Variants in ADPGK observed in about 807,000 individuals in gnomAD.
ADPGK encodes ADP dependent glucokinase, also known as ADP-dependent glucokinase.
A neutral mutation model predicts 42.4 loss-of-function variants in ADPGK; 26 were observed. That is an observed-to-expected ratio of 0.61 (90% CI 0.45 to 0.85). The LOEUF (loss-of-function observed/expected upper bound fraction) is 0.85, where lower values mean the gene tolerates loss of function less well. Among genes scored for constraint, ADPGK ranks in the 40% least tolerant of loss-of-function variants. The pLI, the probability that ADPGK is intolerant of heterozygous loss-of-function variation, is 0.00. For synonymous variants in ADPGK, 267 were observed against 252.6 expected (o/e 1.06, Z -0.54); for missense variants, 571 against 627.0 (o/e 0.91, Z 0.95).
chr15:72,755,542 T>A lies in ADPGK; in HGVS notation c.939+14A>T. ...TATGAGGATCAGGGCCAAACGATGG[T>A]CCCATGAGGTTACCTGATGGACAAT... On this transcript the variant is annotated intron_variant, in intron 6 of 6. Coordinates refer to ENST00000456471, the MANE Select transcript of ADPGK (RefSeq NM_001365225.1). 6.3e-7 allele frequency: 1 copy of A among 1,596,760 alleles called. No homozygotes were observed. The highest frequency in any genetic ancestry group is 8.6e-7 in the Non-Finnish European group (1 of 1,165,292).
chr15:72,756,850 C>G (rs1413266481), intron 4 of ADPGK: 1 of 176,402 alleles, frequency 5.7e-6, no homozygotes, highest in African/African-American at 2.4e-5. Context: ...GCACATTCTT[C>G]CTCACAGCAT....
Position 72,771,857 on chromosome 15 carries a change from T to G in ADPGK, c.460-12A>C. 1 of 1,601,078 alleles carries G rather than the reference T, an allele frequency of 6.2e-7. No individual in the cohort carries two copies. On this transcript the variant is annotated splice_polypyrimidine_tract_variant and intron_variant, in intron 2 of 6. Coordinates refer to ENST00000456471, the MANE Select transcript of ADPGK (RefSeq NM_001365225.1). ...CCTCCTACATAGTGCTGTAAGAGAGTTCAAGGCTTTTAGACAGTATTTTAA... is the reference window on the plus strand; with the variant it reads ...CCTCCTACATAGTGCTGTAAGAGAGGTCAAGGCTTTTAGACAGTATTTTAA...
At position 72,783,715 on chromosome 15, in the gene ADPGK, G is replaced by C; in HGVS notation, c.-24C>G. ...ATGGGGACCCAGGCGCCGCACCTGC[G>C]CGAACCAACTCCTTTCCTAGCCCGC... On this transcript the variant is annotated 5_prime_UTR_variant, in exon 1 of 7. Coordinates refer to ENST00000456471, the MANE Select transcript of ADPGK (RefSeq NM_001365225.1). 6.9e-7 allele frequency: 1 copy of C among 1,446,186 alleles called. No homozygotes were observed. Among genetic ancestry groups the C allele is most frequent in the Non-Finnish European group, 9.0e-7 (1 of 1,106,198 alleles). 89.6% of individuals were successfully genotyped at this position (1,446,186 alleles called of 1,614,324 possible).
At chr15:72,761,250 C>G (rs901535488) in intron 3 of ADPGK, among the ~76,000 whole-genome samples, 2 of 152,206 alleles carry the variant, frequency 1.3e-5, no homozygotes, top group African/African-American at 4.8e-5. Flanking sequence ...ACACCTTGTG[C>G]AGGCAAACAG....
chr15:72,771,721 G>C lies in ADPGK; in HGVS notation c.522+62C>G, dbSNP rs2066330661. 12 of 1,455,252 alleles carry C rather than the reference G, an allele frequency of 8.2e-6. 1 individual carries two copies. The Admixed American group carries it at 1.6e-4, about 20-fold the overall frequency. 90.1% of individuals were successfully genotyped at this position (1,455,252 alleles called of 1,614,324 possible). ...AATCAAGGAATAGATACTCATTCTTGCTCCTAAAATTATTGAAACACTAGG... is the reference window on the plus strand; with the variant it reads ...AATCAAGGAATAGATACTCATTCTTCCTCCTAAAATTATTGAAACACTAGG... On this transcript the variant is annotated intron_variant, in intron 3 of 6. Transcript: ENST00000456471.
At chr15:72,752,933 T>A in intron 6 of ADPGK, 38 bp from the exon 7 acceptor site, 1 of 1,561,192 alleles carries the variant, frequency 6.4e-7, no homozygotes, top group Non-Finnish European at 8.7e-7. Flanking sequence ...CTGATGGAGA[T>A]AACCTGGCTC....
At chr15:72,773,346 T>C (rs1186171705) in intron 2 of ADPGK, among the ~76,000 whole-genome samples, 19 of 152,350 alleles carry the variant, frequency 1.2e-4, no homozygotes, top group Admixed American at 1.0e-3. Context: ...CTGTGATATG[T>C]AGGCTGAAAT....
intron 1 of ADPGK, among the ~76,000 whole-genome samples, chr15:72,777,339 G>C (rs2066402746): frequency 6.6e-6 from 1 of 152,160 alleles, no homozygotes; most frequent in Non-Finnish European, 1.5e-5. Flanking sequence ...TGGGTCCCGA[G>C]TCTGAAGAGT....
chr15:72,758,851 C>A (rs1267245853), intron 4 of ADPGK, among the ~76,000 whole-genome samples: 1 of 152,246 alleles, frequency 6.6e-6, no homozygotes, highest in African/African-American at 2.4e-5. Flanking sequence ...TGACACGAAT[C>A]TGGAACTCAT....
At chr15:72,769,542 T>C (rs774564657) in intron 3 of ADPGK, among the ~76,000 whole-genome samples, 52 of 152,358 alleles carry the variant, frequency 3.4e-4, no homozygotes, top group Admixed American at 8.5e-4. Context: ...AGACAGGGTT[T>C]CACCATGTTG....
chr15:72,753,508 GTCTT>G (rs1393946264), intron 6 of ADPGK, among the ~76,000 whole-genome samples: 2 of 152,182 alleles, frequency 1.3e-5, no homozygotes, highest in African/African-American at 2.4e-5. Flanking sequence ...CCACCTCCCT[GTCTT>G]TCTTACTTAG....
Position 72,752,246 on chromosome 15 carries a change from T to C in ADPGK, c.*95A>G. 1 of 1,251,956 alleles carries C rather than the reference T, an allele frequency of 8.0e-7. No individual in the cohort carries two copies. The highest frequency in any genetic ancestry group is 1.1e-6 in the Non-Finnish European group (1 of 918,704). The allele number at this position is 1,251,956 out of a possible 1,614,324, so 77.6% of individuals were successfully genotyped here. ...TGTACCTGATACAGTTTAATCTGCTTTTATTTCTTTGGCTGTCTTCCAAAC... is the reference window on the plus strand; with the variant it reads ...TGTACCTGATACAGTTTAATCTGCTCTTATTTCTTTGGCTGTCTTCCAAAC... On this transcript the variant is annotated 3_prime_UTR_variant, in exon 7 of 7. Transcript: ENST00000456471.
Position 72,769,406 on chromosome 15 carries a change from C to T in ADPGK, c.522+2377G>A, listed in dbSNP as rs553653337. On this transcript the variant is annotated intron_variant, in intron 3 of 6. Coordinates refer to ENST00000456471, the MANE Select transcript of ADPGK (RefSeq NM_001365225.1). Reference sequence around the variant, plus strand: ...TGTCGCCCAGGCTGGAGTGCAGTGGCGCAATCTCGGCTCACTGCAACCTCC... The same window carrying T: ...TGTCGCCCAGGCTGGAGTGCAGTGGTGCAATCTCGGCTCACTGCAACCTCC... Among the ~76,000 whole-genome samples, 140 of 152,236 alleles carry T rather than the reference C, an allele frequency of 9.2e-4. 1 individual carries two copies. Among genetic ancestry groups the T allele is most frequent in the African/African-American group, 3.2e-3 (132 of 41,540 alleles).
chr15:72,760,071 C>A (rs571840362), intron 4 of ADPGK, among the ~76,000 whole-genome samples: 8 of 152,298 alleles, frequency 5.3e-5, no homozygotes, highest in African/African-American at 1.9e-4. Context: ...CTGCCTTTCT[C>A]TTGTCTTAGT....
At chr15:72,757,880 A>G (rs2066137092) in intron 4 of ADPGK, 1 of 547,112 alleles carries the variant, frequency 1.8e-6, no homozygotes, top group Non-Finnish European at 3.3e-6. Context: ...TTGAAAATAC[A>G]CTGATTTCTT....
intron 3 of ADPGK, among the ~76,000 whole-genome samples, chr15:72,768,639 A>G (rs542666046): frequency 6.6e-6 from 1 of 152,028 alleles, no homozygotes; most frequent in East Asian, 1.9e-4. Context: ...ACTGCACTCC[A>G]GTCTGGGCAG....
chr15:72,783,260 G>T, intron 1 of ADPGK, 199 bp downstream of exon 1: 1 of 1,241,506 alleles, frequency 8.1e-7, no homozygotes, highest in Non-Finnish European at 1.0e-6. Flanking sequence ...ATGAGAGAAA[G>T]GCGCAGAGGC....
In ADPGK at chr15:72,752,521, C is replaced by T. The variant is rs775669358; in HGVS notation, c.1314G>A (p.Ser438=). ...TTAATACAATCCTGGAGCCTGCCTC[C>T]GAATGGGAAGTCATGAACTCTTGGG... ...RAPQEFMTSH[S]EAGSRIVLNP... The change falls in exon 7 of 7, where the codon TCG becomes TCA. Residue 438 remains serine (S), a synonymous_variant. Transcript: ENST00000456471. The T allele has an allele frequency of 1.7e-5, 28 of 1,614,070 alleles. No individual in the cohort carries two copies. The African/African-American group carries it at 3.1e-4, about 18-fold the overall frequency.
At position 72,783,186 on chromosome 15, in the gene ADPGK, G is replaced by C. The variant is rs1473145896; in HGVS notation, c.233+273C>G. On this transcript the variant is annotated intron_variant, in intron 1 of 6. Transcript: ENST00000456471. ...GCTAAAAGTTGGAACGAGGAAGAAG[G>C]CTCGGAGAAAGGTGTCAGACAAAGC... 4 of 1,203,746 alleles carry C rather than the reference G, an allele frequency of 3.3e-6. No individual in the cohort carries two copies. The African/African-American group carries it at 6.3e-5, about 19-fold the overall frequency. The allele number at this position is 1,203,746 out of a possible 1,614,324, so 74.6% of individuals were successfully genotyped here.
Sources: allele counts gnomAD v4.1 joint callset (sites outside exome capture counted in the v4.1 genomes callset), GRCh38; gene constraint gnomAD v4.1.1; transcripts MANE v1.5; gene names NCBI Gene and HGNC (gene_info 2026-07-23, HGNC 2026-07-21).